CEP162: variants seen among roughly 807,000 people sequenced by gnomAD.
CEP162 encodes the protein centrosomal protein 162, also known as centrosomal protein of 162 kDa.
Under a neutral mutation model 169.2 loss-of-function variants are expected in CEP162, and 141 were observed. The observed-to-expected ratio is 0.83, with a 90% CI of 0.73 to 0.96. The LOEUF (loss-of-function observed/expected upper bound fraction) is 0.96. Ranked by LOEUF, CEP162 falls within the 40% of genes least tolerant of loss-of-function variation. The probability of loss-of-function intolerance (pLI) is 0.00; values close to 1 mark genes in which losing one functional copy is unlikely to be tolerated. For missense variants in CEP162, 1,600 were observed against 1,587.2 expected (o/e 1.01, Z -0.14); for synonymous variants, 540 against 526.4 (o/e 1.03, Z -0.35).
Position 84,153,235 on chromosome 6 carries a change from T to C in CEP162, c.2995-56A>G. 4.0e-6 allele frequency: 6 copies of C among 1,503,434 alleles called. No homozygotes were observed. In the South Asian group the frequency reaches 5.4e-5, roughly 14 times the overall value. The allele number at this position is 1,503,434 out of a possible 1,614,324, so 93.1% of individuals were successfully genotyped here. The stretch of plus-strand genomic sequence containing the variant: ...ACCTGTTAAACGTTTCATTAGTTGC[T>C]GAAGCCCTGCACACTACTGGGTCCT... On this transcript the variant is annotated intron_variant, in intron 22 of 26. Coordinates refer to ENST00000403245, the MANE Select transcript of CEP162 (RefSeq NM_014895.4).
chr6:84,226,831 C>T (rs1210205742), intron 1 of CEP162, among the ~76,000 whole-genome samples: 2 of 152,168 alleles, frequency 1.3e-5, no homozygotes, highest in African/African-American at 4.8e-5. Context: ...TTCTTTCTTG[C>T]AAAGCACACG....
intron 25 of CEP162, among the ~76,000 whole-genome samples, chr6:84,143,212 C>G (rs2099517402): frequency 6.6e-6 from 1 of 151,936 alleles, no homozygotes. Context: ...ACCTTATCTA[C>G]CTTGGCTTCT....
intron 21 of CEP162, among the ~76,000 whole-genome samples, chr6:84,159,871 C>T (rs996106575): frequency 2.6e-5 from 4 of 152,016 alleles, no homozygotes; most frequent in Middle Eastern, 3.4e-3. Context: ...CGTGAGCCAC[C>T]GCGCCTGGCC....
chr6:84,125,350 T>A lies in CEP162; in HGVS notation c.4006-74A>T, dbSNP rs567879510. ...TGAGGAACATTTAACAATCTTAAAG[T>A]AGGCAAACCTGGGGTTTCTTTGGGG... On this transcript the variant is annotated intron_variant, in intron 26 of 26. Coordinates refer to ENST00000403245, the MANE Select transcript of CEP162 (RefSeq NM_014895.4). 3.3e-5 allele frequency: 43 copies of A among 1,306,116 alleles called. No individual in the cohort carries two copies. In the African/African-American group the frequency reaches 5.4e-4, roughly 16 times the overall value. 80.9% of individuals were successfully genotyped at this position (1,306,116 alleles called of 1,614,324 possible).
At position 84,152,546 on chromosome 6, in the gene CEP162, T is replaced by C; in HGVS notation, c.3628A>G (p.Arg1210Gly). Residue 1210 changes from arginine (R) to glycine (G), a missense_variant and splice_region_variant, in exon 23 of 27, where the codon AGG becomes GGG. By Grantham distance (125) the Arg-to-Gly change is moderately radical. Coordinates refer to ENST00000403245, the MANE Select transcript of CEP162 (RefSeq NM_014895.4). ...VMNQFENSMR[R>G]VKEDTAAHIA... ...TTTATAAATAATTTAACATTTTACC[T>C]TCTCATGGAGTTTTCAAATTGATTC... 1 of 1,390,862 alleles carries C rather than the reference T, an allele frequency of 7.2e-7. No individual in the cohort carries two copies. The highest frequency in any genetic ancestry group is 9.5e-7 in the Non-Finnish European group (1 of 1,053,170). The allele number at this position is 1,390,862 out of a possible 1,614,324, so 86.2% of individuals were successfully genotyped here. A position where few individuals can be genotyped will look rare whatever the true frequency, so the allele number is the denominator to read the frequency against.
At chr6:84,187,217 A>G (rs1490871499) in intron 11 of CEP162, among the ~76,000 whole-genome samples, 1 of 152,198 alleles carries the variant, frequency 6.6e-6, no homozygotes, top group Admixed American at 6.5e-5. Flanking sequence ...ATTCAATTAG[A>G]TATTAAATAC....
chr6:84,178,342 T>G (rs1330928123), intron 13 of CEP162, among the ~76,000 whole-genome samples: 2 of 152,160 alleles, frequency 1.3e-5, no homozygotes, highest in South Asian at 2.1e-4. Flanking sequence ...CTGGGTTAGC[T>G]TCAAAATAAA....
chr6:84,225,611 T>C (rs2099555400), intron 2 of CEP162, among the ~76,000 whole-genome samples: 6 of 152,266 alleles, frequency 3.9e-5, no homozygotes, highest in Middle Eastern at 3.4e-3. Context: ...GTAGTGAACA[T>C]GTTGATATAT....
intron 25 of CEP162, among the ~76,000 whole-genome samples, chr6:84,134,589 G>A (rs2099513087): frequency 6.6e-6 from 1 of 152,116 alleles, no homozygotes; most frequent in African/African-American, 2.4e-5. Flanking sequence ...GCTTCCCTTG[G>A]CTAGGGGAGG....
At chr6:84,133,559 C>CA (rs1328062567) in intron 25 of CEP162, among the ~76,000 whole-genome samples, 3 of 152,188 alleles carry the variant, frequency 2.0e-5, no homozygotes. Flanking sequence ...CAAGCCTCAG[C>CA]AACGGCGGAT....
At chr6:84,167,136 A>G (rs184184831) in intron 18 of CEP162, among the ~76,000 whole-genome samples, 11 of 152,292 alleles carry the variant, frequency 7.2e-5, no homozygotes, top group Admixed American at 5.2e-4. Context: ...ACTTCTAGAG[A>G]ATCCTCAGCC....
At chr6:84,204,554 G>GA (rs2099545968) in intron 6 of CEP162, among the ~76,000 whole-genome samples, 1 of 152,178 alleles carries the variant, frequency 6.6e-6, no homozygotes, top group Non-Finnish European at 1.5e-5. Flanking sequence ...CAACATACCA[G>GA]AATCTCTGGG....
intron 22 of CEP162, among the ~76,000 whole-genome samples, chr6:84,153,647 G>A (rs571424637): frequency 1.9e-4 from 29 of 152,212 alleles, no homozygotes; most frequent in African/African-American, 6.5e-4. Context: ...GTATACTGGA[G>A]CTTTAATATT....
chr6:84,196,828 A>G (rs1250183457), intron 9 of CEP162, among the ~76,000 whole-genome samples: 4 of 152,170 alleles, frequency 2.6e-5, no homozygotes, highest in Admixed American at 2.6e-4. Flanking sequence ...CTTTCTAGCT[A>G]GTGCTTCAGG....
intron 18 of CEP162, among the ~76,000 whole-genome samples, chr6:84,167,539 G>A (rs2099528296): frequency 6.6e-6 from 1 of 152,150 alleles, no homozygotes; most frequent in Non-Finnish European, 1.5e-5. Flanking sequence ...TTTGCATTGT[G>A]AGCAAATCAT....
intron 2 of CEP162, among the ~76,000 whole-genome samples, chr6:84,224,773 G>A (rs79771692): frequency 0.028 from 4,226 of 152,114 alleles, 214 homozygotes; most frequent in African/African-American, 0.097. Flanking sequence ...GGAGAGTGTT[G>A]GAGAATGTGT....
chr6:84,193,661 G>A lies in CEP162; in HGVS notation c.1057C>T (p.Pro353Ser). The A allele has an allele frequency of 6.4e-7, 1 of 1,568,530 alleles. No homozygotes were observed. The highest frequency in any genetic ancestry group is 2.3e-5 in the East Asian group (1 of 43,076). ...ATCCCAAAGGAATCTATTCTGATAG[G>A]TTTCATCAGCTCCTCTACTGTGGGC... ...DLPTVEELMK[P>S]IRIDSFGISG... The change falls in exon 11 of 27, where the codon CCT (proline) becomes TCT (serine). Residue 353 changes from proline (P) to serine (S), a missense_variant. Pro to Ser is a moderately conservative substitution (Grantham distance 74). Coordinates refer to ENST00000403245, the MANE Select transcript of CEP162 (RefSeq NM_014895.4).
At position 84,185,326 on chromosome 6, in the gene CEP162, C is replaced by A; in HGVS notation, c.1524G>T (p.Ala508=). Residue 508 remains alanine, a synonymous_variant, in exon 13 of 27, where the codon GCG becomes GCT. Transcript: ENST00000403245. ...TGCCATAGCCTGAGCTCCTAACTGA[C>A]GCATATAATCCACTCTGGGGTTTCC... ...LKRKPQSGLY[A]SVRSSGYGKP... is the part of the protein sequence containing the mutation. 6.2e-7 allele frequency: 1 copy of A among 1,613,594 alleles called. No individual in the cohort carries two copies. The highest frequency in any genetic ancestry group is 8.5e-7 in the Non-Finnish European group (1 of 1,179,692).
At chr6:84,176,813 T>C (rs922968711) in intron 13 of CEP162, among the ~76,000 whole-genome samples, 1 of 152,136 alleles carries the variant, frequency 6.6e-6, no homozygotes, top group Non-Finnish European at 1.5e-5. Flanking sequence ...GCCAGTCCTT[T>C]TATGCCAGAG....
Sources: allele counts gnomAD v4.1 joint callset (sites outside exome capture counted in the v4.1 genomes callset), GRCh38; gene constraint gnomAD v4.1.1; transcripts MANE v1.5; gene names NCBI Gene and HGNC (gene_info 2026-07-23, HGNC 2026-07-21).